VSNL1: variants seen among roughly 807,000 people sequenced by gnomAD.
VSNL1 encodes visinin-like protein 1.
In VSNL1, 6 loss-of-function variants were observed where a neutral mutation model predicts 20.4. The ratio of observed to expected loss-of-function variants is 0.29; its 90% confidence interval spans 0.16 to 0.58. VSNL1 has a LOEUF of 0.58. VSNL1 is among the 20% of genes least tolerant of loss of function. VSNL1 has a pLI of 0.90. For synonymous variants in VSNL1, 93 were observed against 86.4 expected (o/e 1.08, Z -0.42); for missense variants, 100 against 234.5 (o/e 0.43, Z 3.75).
At chr2:17,558,222 C>CAT (rs1340244234) in intron 1 of VSNL1, among the ~76,000 whole-genome samples, 2 of 152,122 alleles carry the variant, frequency 1.3e-5, no homozygotes, top group African/African-American at 2.4e-5. Flanking sequence ...ATCAAATGAG[C>CAT]ATAGTATCAT....
At chr2:17,615,161 G>A (rs1665186652) in intron 2 of VSNL1, among the ~76,000 whole-genome samples, 2 of 151,666 alleles carry the variant, frequency 1.3e-5, no homozygotes, top group Non-Finnish European at 2.9e-5. Flanking sequence ...ATAGAAAGAT[G>A]TGCAGAATAA....
intron 2 of VSNL1, among the ~76,000 whole-genome samples, chr2:17,647,249 GTTAAAGCA>G (rs993831227): frequency 2.6e-5 from 4 of 152,132 alleles, no homozygotes; most frequent in African/African-American, 9.7e-5. Context: ...ACATAAGATA[GTTAAAGCA>G]TTACAGTGCC....
At chr2:17,553,427 C>T (rs957112921) in intron 1 of VSNL1, among the ~76,000 whole-genome samples, 5 of 152,080 alleles carry the variant, frequency 3.3e-5, no homozygotes, top group African/African-American at 1.2e-4. Context: ...ATATGGCATA[C>T]ATTGTATTAG....
Position 17,643,643 on chromosome 2 carries a change from C to T in VSNL1, c.163-5767C>T, listed in dbSNP as rs79878135. Among the ~76,000 whole-genome samples the T allele has an allele frequency of 4.6e-3, 699 of 152,262 alleles. 1 individual carries two copies. The highest frequency in any genetic ancestry group is 7.9e-3 in the South Asian group (38 of 4,818). ...TTCTCGGCCCCGTTTAGCTTACAGT[C>T]TACTAGGGAAAAAGGGCACGAATCC... On this transcript the variant is annotated intron_variant, in intron 2 of 3. Transcript: ENST00000295156.
At position 17,649,304 on chromosome 2, in the gene VSNL1, C is replaced by T. The variant is rs376186065; in HGVS notation, c.163-106C>T. ...CCAAACTGCTCTCCAATGGGTGAGG[C>T]TCCGACAACGCCCAGGAGCACCTGT... On this transcript the variant is annotated intron_variant, in intron 2 of 3. Coordinates refer to ENST00000295156, the MANE Select transcript of VSNL1 (RefSeq NM_003385.5). The surrounding 1 kb of genome is among the most constrained non-coding windows in gnomAD (Gnocchi z 6.4). The T allele has an allele frequency of 5.3e-6, 6 of 1,127,046 alleles. No homozygotes were observed. In the African/African-American group the frequency reaches 9.1e-5, roughly 17 times the overall value. 69.8% of individuals were successfully genotyped at this position (1,127,046 alleles called of 1,614,324 possible).
At chr2:17,612,608 A>G (rs1218706509) in intron 2 of VSNL1, among the ~76,000 whole-genome samples, 1 of 152,138 alleles carries the variant, frequency 6.6e-6, no homozygotes, top group African/African-American at 2.4e-5. Context: ...CAACCACAGG[A>G]GTATGCATTT....
At chr2:17,549,465 G>C (rs1663476983) in intron 1 of VSNL1, among the ~76,000 whole-genome samples, 1 of 152,094 alleles carries the variant, frequency 6.6e-6, no homozygotes, top group African/African-American at 2.4e-5. Context: ...ATAGTTTTAA[G>C]CAAAATATTT....
chr2:17,653,218 A>G (rs1278330132), intron 3 of VSNL1, among the ~76,000 whole-genome samples: 3 of 152,068 alleles, frequency 2.0e-5, no homozygotes, highest in East Asian at 3.9e-4. Flanking sequence ...CACAGTCCCA[A>G]TTGTAGGGCT....
At chr2:17,642,480 T>C (rs1665903081) in intron 2 of VSNL1, among the ~76,000 whole-genome samples, 1 of 151,926 alleles carries the variant, frequency 6.6e-6, no homozygotes, top group African/African-American at 2.4e-5. Flanking sequence ...AGCTAATTTT[T>C]TGTATATTTA....
chr2:17,558,720 T>C (rs1292701107), intron 1 of VSNL1, among the ~76,000 whole-genome samples: 1 of 152,216 alleles, frequency 6.6e-6, no homozygotes, highest in African/African-American at 2.4e-5. Flanking sequence ...TTATGATCAT[T>C]ATTTAAAATT....
At chr2:17,612,976 G>A (rs1052599345) in intron 2 of VSNL1, among the ~76,000 whole-genome samples, 9 of 152,140 alleles carry the variant, frequency 5.9e-5, no homozygotes, top group Non-Finnish European at 1.2e-4. Context: ...AGTGCAGTGA[G>A]GCAACTTTCC....
chr2:17,546,570 G>A (rs1332242459), intron 1 of VSNL1, among the ~76,000 whole-genome samples: 1 of 151,944 alleles, frequency 6.6e-6, no homozygotes, highest in Non-Finnish European at 1.5e-5. Flanking sequence ...GGTGTTACAG[G>A]AGACTAGTGT....
At chr2:17,552,064 G>T (rs1359971730) in intron 1 of VSNL1, among the ~76,000 whole-genome samples, 1 of 151,822 alleles carries the variant, frequency 6.6e-6, no homozygotes, top group African/African-American at 2.4e-5. Context: ...GCAGGGCGTG[G>T]TGGCGGGTGC....
chr2:17,593,199 T>C (rs564515414), intron 2 of VSNL1, among the ~76,000 whole-genome samples: 77 of 152,334 alleles, frequency 5.1e-4, no homozygotes, highest in African/African-American at 1.8e-3. Flanking sequence ...GCAATTCCAT[T>C]CTTGTACTGT....
At chr2:17,581,097 T>C (rs1664339694) in intron 1 of VSNL1, among the ~76,000 whole-genome samples, 1 of 152,240 alleles carries the variant, frequency 6.6e-6, no homozygotes, top group Non-Finnish European at 1.5e-5. Context: ...GACTTAACAA[T>C]TTATTACAAT....
chr2:17,609,071 C>T (rs1034740691), intron 2 of VSNL1, among the ~76,000 whole-genome samples: 1 of 152,178 alleles, frequency 6.6e-6, no homozygotes, highest in Non-Finnish European at 1.5e-5. Flanking sequence ...GTGACAGAGA[C>T]TCACATGGTG....
intron 1 of VSNL1, among the ~76,000 whole-genome samples, chr2:17,568,128 C>A (rs1663997420): frequency 6.6e-6 from 1 of 151,560 alleles, no homozygotes. Flanking sequence ...TTGGCCTCTC[C>A]CCTCATTTTC....
At position 17,643,748 on chromosome 2, in the gene VSNL1, C is replaced by T. The variant is rs927049345; in HGVS notation, c.163-5662C>T. Among the ~76,000 whole-genome samples, 5 of 152,156 alleles carry T rather than the reference C, an allele frequency of 3.3e-5. 1 individual carries two copies. Among genetic ancestry groups the T allele is most frequent in the African/African-American group, 1.2e-4 (5 of 41,426 alleles). ...GCATGTGTGTAACAGGGGTCTGACC[C>T]AGACCAAATCAAGGTTTAAAGAAGG... is the stretch of plus-strand genomic sequence containing the variant. On this transcript the variant is annotated intron_variant, in intron 2 of 3. Coordinates refer to ENST00000295156, the MANE Select transcript of VSNL1 (RefSeq NM_003385.5).
chr2:17,549,795 C>G, intron 1 of VSNL1, among the ~76,000 whole-genome samples: 1 of 152,184 alleles, frequency 6.6e-6, no homozygotes, highest in Non-Finnish European at 1.5e-5. Context: ...TTGTATATTT[C>G]CAAACCTGTT....
Sources: gnomAD v4.1 joint callset for allele counts (sites outside exome capture counted in the v4.1 genomes callset) on GRCh38, gnomAD v4.1.1 for gene constraint, Gnocchi (gnomAD v3.1) non-coding constraint, MANE v1.5 for transcripts, NCBI Gene and HGNC (gene_info 2026-07-23, HGNC 2026-07-21) for gene names.